POLA1: variants seen among roughly 807,000 people sequenced by gnomAD.
POLA1 encodes DNA polymerase alpha catalytic subunit.
POLA1 carries 15 observed loss-of-function variants against 124.0 expected under a neutral mutation model. That is an observed-to-expected ratio of 0.12 (90% CI 0.08 to 0.19). POLA1 has a LOEUF of 0.19. Ranked by LOEUF, POLA1 falls within the 10% of genes least tolerant of loss-of-function variation. The pLI is 1.00. For missense variants in POLA1, 886 were observed against 1,103.4 expected, an observed-to-expected ratio of 0.80 and a Z score of 2.79; for synonymous variants, 408 against 389.4, an observed-to-expected ratio of 1.05 and a Z score of -0.56.
At chrX:24,705,014 A>G (rs1384042384) in intron 4 of POLA1, among the ~76,000 whole-genome samples, 1 of 111,499 alleles carries the variant, frequency 9.0e-6, no homozygotes, top group East Asian at 2.8e-4. Context: ...AATTCTCTTC[A>G]GTATTTTTTT....
At chrX:24,948,991 T>G (rs2048000477) in intron 36 of POLA1, among the ~76,000 whole-genome samples, 1 of 112,106 alleles carries the variant, frequency 8.9e-6, no homozygotes, top group South Asian at 3.7e-4. Context: ...TTCAATATTT[T>G]AGTAATCATA....
chrX:24,710,363 A>G (rs923340810), intron 4 of POLA1, among the ~76,000 whole-genome samples: 1 of 111,683 alleles, frequency 9.0e-6, no homozygotes, highest in East Asian at 2.8e-4. Flanking sequence ...TACATTTCAT[A>G]TAAATGAATC....
chrX:24,924,358 T>G (rs1386964905), intron 35 of POLA1, among the ~76,000 whole-genome samples: 1 of 111,904 alleles, frequency 8.9e-6, no homozygotes, highest in Non-Finnish European at 1.9e-5. Context: ...CACCCAAGCC[T>G]TTAGTGGTAG....
chrX:24,878,643 CT>C (rs759846826), intron 34 of POLA1, among the ~76,000 whole-genome samples: 1 of 109,409 alleles, frequency 9.1e-6, no homozygotes, highest in Admixed American at 9.8e-5. Flanking sequence ...ACAAATGATA[CT>C]AATACTACTA....
chrX:24,715,287 G>A, intron 6 of POLA1, 84 bp downstream of exon 6: 2 of 639,840 alleles, frequency 3.1e-6, no homozygotes, highest in African/African-American at 2.2e-5. Flanking sequence ...ACAGACTATT[G>A]CCAGAATTTT....
Position 24,950,185 on chromosome X carries a change from G to A in POLA1, c.4261+19636G>A, listed in dbSNP as rs143303829. Among the ~76,000 whole-genome samples, 823 of 112,125 alleles carry A rather than the reference G, an allele frequency of 7.3e-3. 3 individuals carry two copies. Among genetic ancestry groups the A allele is most frequent in the African/African-American group, 0.025 (772 of 30,863 alleles). ...ATTTATCCAGATTTGCAACTGCTAC[G>A]TGTTGGAGCTGAGCTATAACTCATC... On this transcript the variant is annotated intron_variant, in intron 36 of 36. Transcript: ENST00000379068.
intron 35 of POLA1, among the ~76,000 whole-genome samples, chrX:24,900,084 A>T (rs750164566): frequency 1.8e-5 from 2 of 111,727 alleles, no homozygotes; most frequent in African/African-American, 6.5e-5. Flanking sequence ...TTAGTGGAAG[A>T]TGGACATTTG....
chrX:24,947,482 G>A (rs1274503685), intron 36 of POLA1, among the ~76,000 whole-genome samples: 1 of 108,483 alleles, frequency 9.2e-6, no homozygotes, highest in African/African-American at 3.3e-5. Flanking sequence ...TGTTGCTCAA[G>A]TTGGTCTGCA....
chrX:24,885,790 C>T (rs145964096), intron 34 of POLA1, among the ~76,000 whole-genome samples: 2,859 of 112,098 alleles, frequency 0.026, 87 homozygotes, highest in African/African-American at 0.086. Flanking sequence ...TCCCAAAGTG[C>T]TGGGATTACA....
In POLA1 at chrX:24,742,055, T is replaced by C. The variant is rs755711146; in HGVS notation, c.2400T>C (p.His800=). Reference sequence around the variant, plus strand: ...AGCGTAACGAGTTCTTGTTGCTTCATGCATTTTACGAAAACAACTATATTG... The same window carrying C: ...AGCGTAACGAGTTCTTGTTGCTTCACGCATTTTACGAAAACAACTATATTG... ...RSERNEFLLL[H]AFYENNYIVP... The change falls in exon 22 of 37, where the codon CAT becomes CAC. Residue 800 remains histidine, a synonymous_variant. Transcript: ENST00000379068. 40 of 1,202,421 alleles carry C rather than the reference T, an allele frequency of 3.3e-5. No homozygotes were observed. Among genetic ancestry groups the C allele is most frequent in the Non-Finnish European group, 4.5e-5 (40 of 889,963 alleles).
At chrX:24,994,929 G>A (rs1308848744) in intron 36 of POLA1, among the ~76,000 whole-genome samples, 3 of 111,034 alleles carry the variant, frequency 2.7e-5, no homozygotes, top group Non-Finnish European at 5.7e-5. Flanking sequence ...AGTGGCTCAC[G>A]CCTGGAATCC....
intron 35 of POLA1, among the ~76,000 whole-genome samples, chrX:24,922,237 A>G (rs1601874482): frequency 1.3e-5 from 1 of 79,134 alleles, no homozygotes; most frequent in African/African-American, 6.0e-5. Flanking sequence ...ATCATACCCA[A>G]CTAGTTTATT....
rs150914407 is a variant in POLA1, at chrX:24,814,052, C to A, written c.3297-927C>A. The stretch of plus-strand genomic sequence containing the variant: ...TTCTTGATTAGGCAAAGTTGACCAG[C>A]TGAGTATAGGTCACTGTGAGCCTTT... On this transcript the variant is annotated intron_variant, in intron 29 of 36. Coordinates refer to ENST00000379068, the MANE Select transcript of POLA1 (RefSeq NM_001330360.2). Among the ~76,000 whole-genome samples, 39 of 111,675 alleles carry A rather than the reference C, an allele frequency of 3.5e-4. No homozygotes were observed. The East Asian group carries it at 9.8e-3, about 28-fold the overall frequency.
rs149902648 is a variant in POLA1 at position 24,996,646 on chromosome X, T to C, written c.*696T>C. ...AAGGTTTATACAACAAGAAAGCACA[T>C]TGAAAATAATTTGATACTCTAACAA... is the stretch of plus-strand genomic sequence containing the variant. On this transcript the variant is annotated 3_prime_UTR_variant, in exon 37 of 37. Transcript: ENST00000379068. The C allele has an allele frequency of 3.0e-3, 335 of 112,630 alleles. 2 individuals are homozygous for C. The highest frequency in any genetic ancestry group is 0.011 in the African/African-American group (326 of 30,926). The allele number at this position is 112,630 out of a possible 1,213,427, so 9.3% of individuals were successfully genotyped here. A position where few individuals can be genotyped will look rare whatever the true frequency, so the allele number is the denominator to read the frequency against.
At chrX:24,730,629 C>T (rs1305890988) in intron 15 of POLA1, among the ~76,000 whole-genome samples, 3 of 112,111 alleles carry the variant, frequency 2.7e-5, no homozygotes, top group South Asian at 3.7e-4. Flanking sequence ...TCTGGAACAT[C>T]TTATTATACC....
chrX:24,957,470 A>G (rs1009065907), intron 36 of POLA1, among the ~76,000 whole-genome samples: 1 of 111,166 alleles, frequency 9.0e-6, no homozygotes, highest in African/African-American at 3.3e-5. Context: ...TTCTAGGTGT[A>G]TGCCCTAGAG....
chrX:24,927,940 A>G (rs1310031119), intron 35 of POLA1, among the ~76,000 whole-genome samples: 1 of 111,958 alleles, frequency 8.9e-6, no homozygotes, highest in Non-Finnish European at 1.9e-5. Context: ...AAAAATCTCC[A>G]AGGGATCACA....
intron 36 of POLA1, among the ~76,000 whole-genome samples, chrX:24,994,002 A>G (rs750754421): frequency 8.9e-6 from 1 of 111,910 alleles, no homozygotes; most frequent in African/African-American, 3.2e-5. Flanking sequence ...ATCAGGAGCT[A>G]TGTCCTCTCT....
chrX:24,802,017 CG>C (rs1162756255), intron 26 of POLA1, among the ~76,000 whole-genome samples: 2 of 100,275 alleles, frequency 2.0e-5, no homozygotes, highest in Non-Finnish European at 3.9e-5. Context: ...TAGGGCAGGC[CG>C]GCAGCCCAGG....
Sources: allele counts gnomAD v4.1 joint callset (sites outside exome capture counted in the v4.1 genomes callset), GRCh38; gene constraint gnomAD v4.1.1; transcripts MANE v1.5; gene names NCBI Gene and HGNC (gene_info 2026-07-23, HGNC 2026-07-21).